Variants in ARAP1 observed in about 807,000 individuals in gnomAD.
ARAP1 encodes the protein arf-GAP with Rho-GAP domain, ANK repeat and PH domain-containing protein 1.
In ARAP1, 76 loss-of-function variants were observed where a neutral mutation model predicts 172.2. The ratio of observed to expected loss-of-function variants is 0.44; its 90% CI spans 0.37 to 0.53. The LOEUF (loss-of-function observed/expected upper bound fraction) is 0.53, where lower values mean the gene tolerates loss of function less well. Among genes scored for constraint, ARAP1 ranks in the 20% least tolerant of loss-of-function variants. The probability of loss-of-function intolerance (pLI) is 0.00; values close to 1 mark genes in which losing one functional copy is unlikely to be tolerated. For synonymous variants in ARAP1, 804 were observed against 803.3 expected (o/e 1.00, Z -0.01); for missense variants, 1,686 against 1,977.5 (o/e 0.85, Z 2.80).
At chr11:72,728,592 A>G (rs1857768601) in intron 2 of ARAP1, among the ~76,000 whole-genome samples, 1 of 152,212 alleles carries the variant, frequency 6.6e-6, no homozygotes, top group Admixed American at 6.5e-5. Context: ...AAACAAAAAC[A>G]AAAACAAAAA....
rs532164232 is a variant in ARAP1, at chr11:72,696,923, G to A, written c.3166+60C>T. The A allele has an allele frequency of 2.9e-4, 436 of 1,518,940 alleles. 1 individual carries two copies. The highest frequency in any genetic ancestry group is 3.4e-4 in the Non-Finnish European group (377 of 1,125,146). The allele number at this position is 1,518,940 out of a possible 1,614,324, so 94.1% of individuals were successfully genotyped here. A position where few individuals can be genotyped will look rare whatever the true frequency, so the allele number is the denominator to read the frequency against. On this transcript the variant is annotated intron_variant, in intron 22 of 34. Transcript: ENST00000393609. The stretch of plus-strand genomic sequence containing the variant: ...AGTGCAAGTGCCACAAGGGAAGGGC[G>A]CAGGAGTCCGGAGGGATGGGTGGAG...
intron 12 of ARAP1, 80 bp from the exon 13 acceptor site, chr11:72,705,970 G>T (rs1856740411): frequency 1.4e-6 from 2 of 1,453,922 alleles, no homozygotes; most frequent in Non-Finnish European, 1.9e-6. Flanking sequence ...TGTCTACTGG[G>T]ACAGGCAGGG....
chr11:72,710,353 G>T lies in ARAP1; in HGVS notation c.1416+32C>A. The T allele has an allele frequency of 6.2e-7, 1 of 1,611,166 alleles. No individual in the cohort carries two copies. The highest frequency in any genetic ancestry group is 8.5e-7 in the Non-Finnish European group (1 of 1,177,780). ...GCCTGGGGCAGGGTAGGTGGACATGGGCAGGGGAGAGGTTCCATGACCCCT... is the reference window on the plus strand; with the variant it reads ...GCCTGGGGCAGGGTAGGTGGACATGTGCAGGGGAGAGGTTCCATGACCCCT... On this transcript the variant is annotated intron_variant, in intron 10 of 34. Coordinates refer to ENST00000393609, the MANE Select transcript of ARAP1 (RefSeq NM_001040118.3). This position sits in a 1 kb window ranked among gnomAD's most constrained non-coding sequence, Gnocchi z 4.3.
At position 72,699,205 on chromosome 11, in the gene ARAP1, G is replaced by A; in HGVS notation, c.2439-98C>T. 1 of 1,453,094 alleles carries A rather than the reference G, an allele frequency of 6.9e-7. No individual in the cohort carries two copies. The highest frequency in any genetic ancestry group is 9.5e-7 in the Non-Finnish European group (1 of 1,047,166). 90.0% of individuals were successfully genotyped at this position (1,453,094 alleles called of 1,614,324 possible). A position where few individuals can be genotyped will look rare whatever the true frequency, so the allele number is the denominator to read the frequency against. On this transcript the variant is annotated intron_variant, in intron 17 of 34. Transcript: ENST00000393609. This position sits in a 1 kb window ranked among gnomAD's most constrained non-coding sequence, Gnocchi z 4.2. ...CGCCATCCTCTGCCCCCTCCGCACT[G>A]CCTTGGCGCTTGTCCTTATTCTGGT...
intron 13 of ARAP1, chr11:72,705,473 C>G: frequency 3.8e-6 from 1 of 266,252 alleles, no homozygotes; most frequent in Non-Finnish European, 7.1e-6. Context: ...GAAATTAGAT[C>G]AGAAGTTAGC....
intron 1 of ARAP1, among the ~76,000 whole-genome samples, chr11:72,745,617 T>A (rs1408826239): frequency 7.1e-6 from 1 of 140,008 alleles, no homozygotes; most frequent in Non-Finnish European, 1.7e-5. Context: ...CATACCCGCA[T>A]GGAGTACCCA....
chr11:72,685,737 C>A, intron 34 of ARAP1, 56 bp from the exon 35 acceptor site: 1 of 1,610,750 alleles, frequency 6.2e-7, no homozygotes, highest in Non-Finnish European at 8.5e-7. Flanking sequence ...GGGGCTGGCG[C>A]CCCGCTGAAG....
At chr11:72,711,636 G>A in intron 7 of ARAP1, 137 bp from the exon 8 acceptor site, 1 of 647,944 alleles carries the variant, frequency 1.5e-6, no homozygotes. Flanking sequence ...ATGGCCACTG[G>A]CAAGAAGATG....
At chr11:72,704,080 G>A (rs1856644520) in intron 14 of ARAP1, 72 bp downstream of exon 14, 13 of 1,589,802 alleles carry the variant, frequency 8.2e-6, no homozygotes, top group East Asian at 2.2e-5. Context: ...GATGGGTTAA[G>A]ACAGCATGAG....
chr11:72,727,980 A>G (rs1234549093), intron 2 of ARAP1, among the ~76,000 whole-genome samples: 1 of 152,254 alleles, frequency 6.6e-6, no homozygotes, highest in East Asian at 1.9e-4. Context: ...ATCTCCACAG[A>G]CACTAAAGAG....
At chr11:72,709,837 G>A (rs1856930427) in intron 11 of ARAP1, 33 bp downstream of exon 11, 1 of 1,604,100 alleles carries the variant, frequency 6.2e-7, no homozygotes, top group Middle Eastern at 1.7e-4. Flanking sequence ...GAAGGAGTGA[G>A]GATGCCGGTG....
At chr11:72,729,765 A>C (rs1005729820) in intron 2 of ARAP1, among the ~76,000 whole-genome samples, 2 of 151,528 alleles carry the variant, frequency 1.3e-5, no homozygotes, top group Non-Finnish European at 1.5e-5. Flanking sequence ...TAAAAAAAAA[A>C]CCTAAAAATT....
At chr11:72,697,243 T>C (rs1284814852) in intron 21 of ARAP1, 48 bp from the exon 22 acceptor site, 1 of 1,339,216 alleles carries the variant, frequency 7.5e-7, no homozygotes, top group Non-Finnish European at 9.8e-7. Context: ...CATAGAGTCA[T>C]GGGGCGGGGC....
intron 3 of ARAP1, 32 bp from the exon 4 acceptor site, chr11:72,714,353 A>T (rs368315219): frequency 1.3e-6 from 2 of 1,538,168 alleles, no homozygotes; most frequent in Non-Finnish European, 1.8e-6. Flanking sequence ...GGCATCACTA[A>T]GCAACAGAGC....
At chr11:72,694,139 C>T (rs1305776127) in intron 27 of ARAP1, among the ~76,000 whole-genome samples, 1 of 151,564 alleles carries the variant, frequency 6.6e-6, no homozygotes, top group Non-Finnish European at 1.5e-5. Context: ...AACCCCTCCT[C>T]CCTCTCCCAA....
chr11:72,714,128 C>A (rs1857168721), intron 4 of ARAP1, 24 bp downstream of exon 4: 1 of 1,442,472 alleles, frequency 6.9e-7, no homozygotes, highest in East Asian at 2.7e-5. Flanking sequence ...ACCCAGAGCC[C>A]CATCTCCTGG....
Position 72,695,296 on chromosome 11 carries a change from G to C in ARAP1, c.3576+91C>G. ...CAGGTCCCAAACTGGTCCTCTCCTC[G>C]GGGTAGAAGCACTGCTCCCCTGGCC... On this transcript the variant is annotated intron_variant, in intron 26 of 34. Transcript: ENST00000393609. The surrounding 1 kb of genome is among the most constrained non-coding windows in gnomAD (Gnocchi z 4.4). 1.3e-6 allele frequency: 2 copies of C among 1,550,974 alleles called. No individual in the cohort carries two copies. Among genetic ancestry groups the C allele is most frequent in the Middle Eastern group, 3.7e-4 (2 of 5,338 alleles).
At position 72,695,321 on chromosome 11, in the gene ARAP1, C is replaced by T; in HGVS notation, c.3576+66G>A. On this transcript the variant is annotated intron_variant, in intron 26 of 34. Coordinates refer to ENST00000393609, the MANE Select transcript of ARAP1 (RefSeq NM_001040118.3). The surrounding 1 kb of genome is among the most constrained non-coding windows in gnomAD (Gnocchi z 4.4). ...GGGGTAGAAGCACTGCTCCCCTGGC[C>T]ATCTGAGCCTGTACCTGGCCCAGCC... is the stretch of plus-strand genomic sequence containing the variant. 1.2e-6 allele frequency: 2 copies of T among 1,600,176 alleles called. No individual in the cohort carries two copies. The highest frequency in any genetic ancestry group is 2.2e-5 in the East Asian group (1 of 44,780).
At chr11:72,707,976 A>G (rs1856843518) in intron 11 of ARAP1, among the ~76,000 whole-genome samples, 1 of 152,064 alleles carries the variant, frequency 6.6e-6, no homozygotes, top group African/African-American at 2.4e-5. Context: ...CCCACTCCAC[A>G]AAGAACTCCA....
Sources: gnomAD v4.1 joint callset for allele counts (sites outside exome capture counted in the v4.1 genomes callset) on GRCh38, gnomAD v4.1.1 for gene constraint, Gnocchi (gnomAD v3.1) non-coding constraint, MANE v1.5 for transcripts, NCBI Gene and HGNC (gene_info 2026-07-23, HGNC 2026-07-21) for gene names.